The following NDRG4 variants were observed in gnomAD, a reference collection of about 807,000 sequenced individuals.
NDRG4 encodes the protein protein NDRG4.
Under a neutral mutation model 55.8 loss-of-function variants are expected in NDRG4, and 38 were observed. The observed-to-expected ratio is 0.68, with a 90% confidence interval of 0.53 to 0.89. NDRG4 has a LOEUF of 0.89. Ranked by LOEUF, NDRG4 falls within the 40% of genes least tolerant of loss-of-function variation. The pLI, the probability that NDRG4 is intolerant of heterozygous loss-of-function variation, is 0.00. For missense variants in NDRG4, 455 were observed against 468.6 expected (o/e 0.97, Z 0.27); for synonymous variants, 190 against 182.7 (o/e 1.04, Z -0.32).
intron 1 of NDRG4, among the ~76,000 whole-genome samples, chr16:58,469,173 A>G (rs1465285559): frequency 6.6e-6 from 1 of 152,230 alleles, no homozygotes; most frequent in East Asian, 1.9e-4. Flanking sequence ...GTGTTGACCC[A>G]CATTTTACAT....
intron 2 of NDRG4, among the ~76,000 whole-genome samples, chr16:58,488,513 T>G (rs2035399640): frequency 6.6e-6 from 1 of 152,200 alleles, no homozygotes; most frequent in Non-Finnish European, 1.5e-5. Flanking sequence ...GTGGGTTCCC[T>G]GCTTGTTGGA....
At chr16:58,507,177 T>G in intron 8 of NDRG4, 162 bp downstream of exon 8, 1 of 630,908 alleles carries the variant, frequency 1.6e-6, no homozygotes, top group Non-Finnish European at 2.9e-6. Context: ...GGTCACACCC[T>G]GTGAGGGGCA....
intron 2 of NDRG4, among the ~76,000 whole-genome samples, chr16:58,492,540 G>C (rs2035919985): frequency 1.6e-5 from 2 of 121,570 alleles, no homozygotes; most frequent in African/African-American, 6.3e-5. Flanking sequence ...GTGTGTGTGT[G>C]TGTGTGTGTG....
intron 1 of NDRG4, among the ~76,000 whole-genome samples, chr16:58,480,507 GC>G (rs2034263858): frequency 6.6e-6 from 1 of 152,206 alleles, no homozygotes. Context: ...TACCAGAGTG[GC>G]CTCACCACCT....
upstream of NDRG4, among the ~76,000 whole-genome samples, chr16:58,498,985 T>C (rs2151759269): frequency 2.6e-5 from 4 of 152,230 alleles, no homozygotes; most frequent in South Asian, 8.3e-4. Flanking sequence ...ACATATAATC[T>C]TCATGGATTT....
chr16:58,481,666 T>C (rs1165530951), intron 1 of NDRG4, among the ~76,000 whole-genome samples: 3 of 152,140 alleles, frequency 2.0e-5, no homozygotes, highest in Non-Finnish European at 4.4e-5. Context: ...GGAATGCATG[T>C]AGGCGGGTGG....
chr16:58,469,072 A>G (rs1403472350), intron 1 of NDRG4, among the ~76,000 whole-genome samples: 2 of 152,196 alleles, frequency 1.3e-5, no homozygotes, highest in East Asian at 3.9e-4. Flanking sequence ...CAAAAGTTTT[A>G]CCAGTTGTTT....
At chr16:58,484,381 T>A (rs1278078839) in intron 1 of NDRG4, among the ~76,000 whole-genome samples, 1 of 151,888 alleles carries the variant, frequency 6.6e-6, no homozygotes, top group East Asian at 1.9e-4. Context: ...TAAAAAAAAA[T>A]TTATATATTT....
At chr16:58,491,556 A>G (rs925809573) in intron 2 of NDRG4, among the ~76,000 whole-genome samples, 3 of 151,810 alleles carry the variant, frequency 2.0e-5, no homozygotes, top group Middle Eastern at 3.4e-3. Flanking sequence ...CGCCTCCCCA[A>G]TTCAAGTGAT....
chr16:58,504,798 CTTTT>C, intron 5 of NDRG4, 149 bp downstream of exon 5: 1 of 718,458 alleles, frequency 1.4e-6, no homozygotes, highest in South Asian at 1.9e-5. Context: ...TAGAAAACCT[CTTTT>C]TTCTTTTTTC....
intron 14 of NDRG4, chr16:58,510,958 G>A: frequency 1.8e-6 from 1 of 558,548 alleles, no homozygotes. Context: ...TAGAGGTAGA[G>A]CCCAGGCCTG....
Position 58,511,600 on chromosome 16 carries a change from C to G in NDRG4, c.*24C>G. On this transcript the variant is annotated 3_prime_UTR_variant, in exon 15 of 15. Transcript: ENST00000570248. ...GAAGCCCTTGATCCCGCTGACGACG[C>G]CCACGTCGAGGCCCCACCGCCATCC... 6.2e-7 allele frequency: 1 copy of G among 1,612,922 alleles called. No individual in the cohort carries two copies. Among genetic ancestry groups the G allele is most frequent in the Non-Finnish European group, 8.5e-7 (1 of 1,179,862 alleles).
intron 2 of NDRG4, among the ~76,000 whole-genome samples, chr16:58,489,954 C>T (rs2035577678): frequency 6.6e-6 from 1 of 152,158 alleles, no homozygotes; most frequent in South Asian, 2.1e-4. Flanking sequence ...AAGTGATCCT[C>T]CTGCCTCAGC....
chr16:58,505,824 C>A (rs1415048057), intron 5 of NDRG4, among the ~76,000 whole-genome samples: 1 of 140,354 alleles, frequency 7.1e-6, no homozygotes, highest in African/African-American at 2.6e-5. Flanking sequence ...CTGGTTCAAG[C>A]AATTCTCCTG....
intron 8 of NDRG4, 65 bp downstream of exon 8, chr16:58,507,080 CCT>C (rs2038139100): frequency 8.6e-6 from 11 of 1,279,620 alleles, no homozygotes; most frequent in South Asian, 3.7e-5. Flanking sequence ...CACACTGCCC[CCT>C]GAGGGAGGCA....
chr16:58,513,961 A>G (rs1447971974), downstream of NDRG4, among the ~76,000 whole-genome samples: 1 of 152,124 alleles, frequency 6.6e-6, no homozygotes, highest in Non-Finnish European at 1.5e-5. Context: ...CTGCCTCAAA[A>G]TAAAACAAAA....
At chr16:58,500,018 A>T, upstream of NDRG4, 1 of 1,255,180 alleles carries the variant, frequency 8.0e-7, no homozygotes, top group Non-Finnish European at 1.1e-6. Flanking sequence ...CTTGTCTCCC[A>T]GCAGCCAATA....
Position 58,509,152 on chromosome 16 carries a change from A to G in NDRG4, c.778-2A>G. ...CAGGTCACCCCACTCTCTCCCTTGC[A>G]GATGGCAGACTCTGGAGGGCTGCCC... is the stretch of plus-strand genomic sequence containing the variant. On this transcript the variant is annotated splice_acceptor_variant, in intron 11 of 14. Transcript: ENST00000570248. LOFTEE classifies it high-confidence loss of function. 1 of 1,614,004 alleles carries G rather than the reference A, an allele frequency of 6.2e-7. No individual in the cohort carries two copies.
chr16:58,505,494 C>T (rs2037817842), intron 5 of NDRG4, among the ~76,000 whole-genome samples: 1 of 149,648 alleles, frequency 6.7e-6, no homozygotes, highest in Non-Finnish European at 1.5e-5. Context: ...AAAGAAATGA[C>T]CAAGAATTTT....
Sources: gnomAD v4.1 joint callset for allele counts (sites outside exome capture counted in the v4.1 genomes callset) on GRCh38, gnomAD v4.1.1 for gene constraint, MANE v1.5 for transcripts, NCBI Gene and HGNC (gene_info 2026-07-23, HGNC 2026-07-21) for gene names.